CHRNA1: variants seen among roughly 807,000 people sequenced by gnomAD.
CHRNA1 encodes the protein cholinergic receptor nicotinic alpha 1 subunit, also known as acetylcholine receptor subunit alpha.
In CHRNA1, 35 loss-of-function variants were observed where a neutral mutation model predicts 47.1. The observed-to-expected ratio is 0.74, with a 90% CI of 0.57 to 0.99. The LOEUF (loss-of-function observed/expected upper bound fraction) is 0.99, where lower values mean the gene tolerates loss of function less well. Ranked by LOEUF, CHRNA1 falls within the 50% of genes least tolerant of loss-of-function variation. CHRNA1 has a pLI of 0.00. For synonymous variants in CHRNA1, 229 were observed against 223.6 expected, an observed-to-expected ratio of 1.02 and a Z score of -0.22; for missense variants, 506 against 591.1, an observed-to-expected ratio of 0.86 and a Z score of 1.49.
At chr2:174,760,212 C>T (rs548647842) in intron 1 of CHRNA1, among the ~76,000 whole-genome samples, 40 of 152,206 alleles carry the variant, frequency 2.6e-4, no homozygotes, top group South Asian at 1.9e-3. Flanking sequence ...AGGTACCATA[C>T]GATCCAGCAA....
chr2:174,754,979 G>A lies in CHRNA1; in HGVS notation c.345-565C>T, dbSNP rs189858643. 7.6e-5 allele frequency among the ~76,000 whole-genome samples: 11 copies of A among 144,950 alleles called. No homozygotes were observed. In the East Asian group the frequency reaches 8.2e-4, roughly 11 times the overall value. ...TGGCTCACAGCAACCTCCACCTCCC[G>A]GGCTCAAGCAATTCTCCTGCCTCAG... On this transcript the variant is annotated intron_variant, in intron 4 of 8. Transcript: ENST00000348749.
chr2:174,754,376 A>G lies in CHRNA1; in HGVS notation c.383T>C (p.Val128Ala). 6.2e-7 allele frequency: 1 copy of G among 1,614,186 alleles called. No individual in the cohort carries two copies. Among genetic ancestry groups the G allele is most frequent in the South Asian group, 1.1e-5 (1 of 91,086 alleles). The change falls in exon 5 of 9, where the codon GTG becomes GCG. Residue 128 changes from valine (V) to alanine (A), a missense_variant. Coordinates refer to ENST00000348749, the MANE Select transcript of CHRNA1 (RefSeq NM_000079.4). Reference protein sequence around the residue: ...GDFAIVKFTKVLLQYTGHITW... With the variant: ...GDFAIVKFTKALLQYTGHITW... ...GATGTGGCCAGTGTACTGCAGGAGC[A>G]CTTTGGTGAACTTGACAATAGCAAA... is the stretch of plus-strand genomic sequence containing the variant.
intron 5 of CHRNA1, 28 bp from the exon 6 acceptor site, chr2:174,753,768 C>A: frequency 1.2e-6 from 2 of 1,609,768 alleles, no homozygotes; most frequent in Non-Finnish European, 1.7e-6. Flanking sequence ...GTTTGGAAAT[C>A]CCAGGCAGGT....
intron 6 of CHRNA1, among the ~76,000 whole-genome samples, chr2:174,751,797 G>A (rs1308517441): frequency 6.6e-6 from 1 of 151,534 alleles, no homozygotes; most frequent in African/African-American, 2.4e-5. Flanking sequence ...TCCTGCCTCA[G>A]CCTCCCAAGT....
At chr2:174,753,290 C>T (rs1032886054) in intron 6 of CHRNA1, 1 of 707,154 alleles carries the variant, frequency 1.4e-6, no homozygotes, top group Non-Finnish European at 2.6e-6. Flanking sequence ...TCATGTTCAA[C>T]TCCCTGCCGC....
chr2:174,761,999 T>C (rs1012166703), intron 1 of CHRNA1, among the ~76,000 whole-genome samples: 1 of 152,184 alleles, frequency 6.6e-6, no homozygotes, highest in Non-Finnish European at 1.5e-5. Flanking sequence ...ATGGTCAGCA[T>C]TATGTAGCAG....
chr2:174,749,847 TA>T, intron 7 of CHRNA1, 98 bp downstream of exon 7: 1 of 1,077,038 alleles, frequency 9.3e-7, no homozygotes, highest in Non-Finnish European at 1.4e-6. Context: ...ACTTAGTTCC[TA>T]AATAGCCCCA....
In CHRNA1 at chr2:174,759,473, G is replaced by C; in HGVS notation, c.189+15C>G. On this transcript the variant is annotated intron_variant, in intron 2 of 8. Coordinates refer to ENST00000348749, the MANE Select transcript of CHRNA1 (RefSeq NM_000079.4). ...GTGTGGGTGTGTGGGCAGGCCCCCA[G>C]TGCTCTTGTCTCACCACATTGATGA... 6.2e-7 allele frequency: 1 copy of C among 1,614,162 alleles called. No homozygotes were observed. Among genetic ancestry groups the C allele is most frequent in the Non-Finnish European group, 8.5e-7 (1 of 1,180,036 alleles).
chr2:174,759,283 T>G, intron 3 of CHRNA1, 48 bp downstream of exon 3: 1 of 1,594,420 alleles, frequency 6.3e-7, no homozygotes, highest in Non-Finnish European at 8.6e-7. Context: ...CAGGTTTAAT[T>G]TCAGTGTGAA....
At chr2:174,759,151 C>G (rs544327543) in intron 3 of CHRNA1, among the ~76,000 whole-genome samples, 180 bp downstream of exon 3, 1 of 152,110 alleles carries the variant, frequency 6.6e-6, no homozygotes, top group African/African-American at 2.4e-5. Context: ...CAGAAAAAGC[C>G]CTAAAGTTTA....
intron 1 of CHRNA1, among the ~76,000 whole-genome samples, chr2:174,760,615 G>A (rs543183360): frequency 3.3e-5 from 5 of 152,282 alleles, no homozygotes; most frequent in East Asian, 3.9e-4. Flanking sequence ...TGATGAAAAC[G>A]TTCTGGAAAT....
Position 174,764,429 on chromosome 2 carries a change from G to A in CHRNA1, c.-35C>T. The stretch of plus-strand genomic sequence containing the variant: ...GAGCTTGTGTGGACCAGGGCAGAGT[G>A]GTGGCCTGTGCTTCTCACTGGCACT... On this transcript the variant is annotated 5_prime_UTR_variant, in exon 1 of 9. Coordinates refer to ENST00000348749, the MANE Select transcript of CHRNA1 (RefSeq NM_000079.4). The A allele has an allele frequency of 6.2e-7, 1 of 1,605,652 alleles. No homozygotes were observed. Among genetic ancestry groups the A allele is most frequent in the African/African-American group, 1.3e-5 (1 of 74,860 alleles).
At position 174,749,928 on chromosome 2, in the gene CHRNA1, AGG is replaced by A. The variant is rs1272136446; in HGVS notation, c.1002+16_1002+17del. 1 of 1,608,084 alleles carries A rather than the reference AGG, an allele frequency of 6.2e-7. No individual in the cohort carries two copies. The highest frequency in any genetic ancestry group is 8.5e-7 in the Non-Finnish European group (1 of 1,175,022). ...AGATGTGCCTCCGTGTGAAGTCTGC[AGG>A]GGCCTCCCCACTCACCTTCCGCACC... On this transcript the variant is annotated intron_variant, in intron 7 of 8. Transcript: ENST00000348749.
At position 174,754,745 on chromosome 2, in the gene CHRNA1, A is replaced by G. The variant is rs1648060450; in HGVS notation, c.345-331T>C. 3.3e-5 allele frequency among the ~76,000 whole-genome samples: 5 copies of G among 152,104 alleles called. No individual in the cohort carries two copies. In the South Asian group the frequency reaches 1.0e-3, roughly 32 times the overall value. On this transcript the variant is annotated intron_variant, in intron 4 of 8. Coordinates refer to ENST00000348749, the MANE Select transcript of CHRNA1 (RefSeq NM_000079.4). ...CCCAGATTATTTTTCCAGCCCTCAC[A>G]AGTATTTGTAATGTTAATCTTCATC... is the stretch of plus-strand genomic sequence containing the variant.
At chr2:174,758,151 GTAATCCCAGCAC>G in intron 3 of CHRNA1, 1 of 1,337,964 alleles carries the variant, frequency 7.5e-7, no homozygotes, top group East Asian at 2.4e-5. Context: ...GCTCATGCCT[GTAATCCCAGCAC>G]TTTGGGAGGC....
At chr2:174,754,977 C>T (rs1321926089) in intron 4 of CHRNA1, among the ~76,000 whole-genome samples, 1 of 151,322 alleles carries the variant, frequency 6.6e-6, no homozygotes, top group Non-Finnish European at 1.5e-5. Context: ...CCTCCACCTC[C>T]CGGGCTCAAG....
Position 174,747,995 on chromosome 2 carries a change from C to T in CHRNA1, c.*129G>A. The T allele has an allele frequency of 1.7e-6, 2 of 1,185,988 alleles. No individual in the cohort carries two copies. Among genetic ancestry groups the T allele is most frequent in the South Asian group, 1.3e-5 (1 of 76,976 alleles). The allele number at this position is 1,185,988 out of a possible 1,614,324, so 73.5% of individuals were successfully genotyped here. Reference sequence around the variant, plus strand: ...AAACTTACATAAAGGTAAATCTTATCATCAATAATAAGTATGGAATATAAC... The same window carrying T: ...AAACTTACATAAAGGTAAATCTTATTATCAATAATAAGTATGGAATATAAC... On this transcript the variant is annotated 3_prime_UTR_variant, in exon 9 of 9. Coordinates refer to ENST00000348749, the MANE Select transcript of CHRNA1 (RefSeq NM_000079.4).
chr2:174,748,022 C>A lies in CHRNA1; in HGVS notation c.*102G>T. ...TCAATAATAAGTATGGAATATAACA[C>A]GTTTGATAAGTGCGAGTGGAGCAAG... On this transcript the variant is annotated 3_prime_UTR_variant, in exon 9 of 9. Transcript: ENST00000348749. 1 of 1,419,902 alleles carries A rather than the reference C, an allele frequency of 7.0e-7. No homozygotes were observed. The highest frequency in any genetic ancestry group is 9.8e-7 in the Non-Finnish European group (1 of 1,018,192). 88.0% of individuals were successfully genotyped at this position (1,419,902 alleles called of 1,614,324 possible).
intron 4 of CHRNA1, among the ~76,000 whole-genome samples, chr2:174,756,648 G>A (rs1683985145): frequency 6.6e-6 from 1 of 152,192 alleles, no homozygotes; most frequent in African/African-American, 2.4e-5. Flanking sequence ...TGTCCAAAAA[G>A]ATTACACAAA....
Sources: gnomAD v4.1 joint callset for allele counts (sites outside exome capture counted in the v4.1 genomes callset) on GRCh38, gnomAD v4.1.1 for gene constraint, MANE v1.5 for transcripts, NCBI Gene and HGNC (gene_info 2026-07-23, HGNC 2026-07-21) for gene names.